Variants in PCARE observed in about 807,000 individuals in gnomAD.
The protein encoded by PCARE is photoreceptor cilium actin regulator, also known as uncharacterized protein C2orf71.
Under a neutral mutation model 82.2 loss-of-function variants are expected in PCARE, and 72 were observed. The observed-to-expected ratio is 0.88, with a 90% CI of 0.72 to 1.07. The LOEUF (loss-of-function observed/expected upper bound fraction) is 1.07, where lower values mean the gene tolerates loss of function less well. PCARE is among the 50% of genes least tolerant of loss of function. The pLI, the probability that PCARE is intolerant of heterozygous loss-of-function variation, is 0.00. For missense variants in PCARE, 1,768 were observed against 1,592.4 expected, an observed-to-expected ratio of 1.11 and a Z score of -1.88; for synonymous variants, 705 against 634.8, an observed-to-expected ratio of 1.11 and a Z score of -1.66.
Position 29,074,388 on chromosome 2 carries a change from A to T in PCARE, c.-127T>A, listed in dbSNP as rs571379781. ...TTCAGGCCAGAATTCTTTGAAGTCC[A>T]TGGTACAATATCCTAAACTTGGAAC... On this transcript the variant is annotated 5_prime_UTR_variant, in exon 1 of 2. An upstream start codon of the reference 5' UTR is lost. Coordinates refer to ENST00000331664, the MANE Select transcript of PCARE (RefSeq NM_001029883.3). 65 of 956,126 alleles carry T rather than the reference A, an allele frequency of 6.8e-5. No individual in the cohort carries two copies. The African/African-American group carries it at 9.5e-4, about 14-fold the overall frequency. The allele number at this position is 956,126 out of a possible 1,614,324, so 59.2% of individuals were successfully genotyped here.
Position 29,073,596 on chromosome 2 carries a change from C to G in PCARE, c.666G>C (p.Leu222Phe). The G allele has an allele frequency of 6.2e-7, 1 of 1,614,198 alleles. No individual in the cohort carries two copies. The highest frequency in any genetic ancestry group is 1.1e-5 in the South Asian group (1 of 91,090). Residue 222 changes from leucine (L) to phenylalanine (F), a missense_variant, in exon 1 of 2, where the codon TTG (leucine) becomes TTC (phenylalanine). By Grantham distance (22) the Leu-to-Phe change is conservative. Transcript: ENST00000331664. The stretch of plus-strand genomic sequence containing the variant: ...GGCTGATCTCCTCAAAGCACAGCAG[C>G]AAGAAGCTGACCATGGGCTGCAGCA... Reference protein sequence around the residue: ...RELLQPMVSFLLLCFEEISQL... With the variant: ...RELLQPMVSFFLLCFEEISQL...
intron 1 of PCARE, among the ~76,000 whole-genome samples, chr2:29,067,125 C>T (rs571021859): frequency 9.2e-5 from 14 of 152,288 alleles, no homozygotes; most frequent in African/African-American, 3.4e-4. Context: ...GCAGGCCTGC[C>T]TCAGCTGCAA....
chr2:29,070,908 G>A lies in PCARE; in HGVS notation c.3354C>T (p.Asn1118=). The change falls in exon 1 of 2, where the codon AAC becomes AAT. Residue 1118 remains asparagine (N), a synonymous_variant. Transcript: ENST00000331664. ...SQAVIAKVSG[N]THSIFCPATS... ...TAGCTGGGCAGAATATGGAATGTGT[G>A]TTCCCAGACACTTTGGCTATGACTG... 2 of 1,613,796 alleles carry A rather than the reference G, an allele frequency of 1.2e-6. No homozygotes were observed. Among genetic ancestry groups the A allele is most frequent in the Non-Finnish European group, 1.7e-6 (2 of 1,180,022 alleles).
chr2:29,071,646 G>A lies in PCARE; in HGVS notation c.2616C>T (p.Pro872=), dbSNP rs1415608272. ...TQEPGPGEAG[P]TRRTWASPKL... The stretch of plus-strand genomic sequence containing the variant: ...TTGGGGAAGCCCATGTTCTCCTGGT[G>A]GGGCCAGCCTCTCCCGGCCCTGGCT... The change falls in exon 1 of 2, where the codon CCC becomes CCT. Residue 872 remains proline, a synonymous_variant. Coordinates refer to ENST00000331664, the MANE Select transcript of PCARE (RefSeq NM_001029883.3). 6.2e-7 allele frequency: 1 copy of A among 1,613,850 alleles called. No homozygotes were observed. Among genetic ancestry groups the A allele is most frequent in the South Asian group, 1.1e-5 (1 of 91,060 alleles).
Position 29,064,942 on chromosome 2 carries a change from G to A in PCARE, c.3794C>T (p.Pro1265Leu), listed in dbSNP as rs753843724. 66 of 1,609,414 alleles carry A rather than the reference G, an allele frequency of 4.1e-5. No individual in the cohort carries two copies. In the South Asian group the frequency reaches 7.0e-4, roughly 17 times the overall value. ...EFCVLGHGLQ[P>L]EPRTGHIQDK... ...CTGGATGTGGCCGGTCCGAGGCTCCGGTTGCAGCCCGTGGCCCAGCACACA... is the reference window on the plus strand; with the variant it reads ...CTGGATGTGGCCGGTCCGAGGCTCCAGTTGCAGCCCGTGGCCCAGCACACA... Residue 1265 changes from proline (P) to leucine (L), a missense_variant, in exon 2 of 2, where the codon CCG becomes CTG. Pro to Leu is a moderately conservative substitution (Grantham distance 98, BLOSUM62 -3). Transcript: ENST00000331664.
chr2:29,070,120 T>TA, intron 1 of PCARE, among the ~76,000 whole-genome samples: 2 of 148,498 alleles, frequency 1.3e-5, no homozygotes, highest in Non-Finnish European at 3.0e-5. Flanking sequence ...ATATATATAT[T>TA]TTTAAGTTCT....
chr2:29,073,866 A>T lies in PCARE; in HGVS notation c.396T>A (p.Asp132Glu). 3 of 1,614,140 alleles carry T rather than the reference A, an allele frequency of 1.9e-6. No homozygotes were observed. Among genetic ancestry groups the T allele is most frequent in the Non-Finnish European group, 2.5e-6 (3 of 1,180,024 alleles). ...HGSQGADFSG[D>E]ESEESSTQDT... ...CTTGGGTACTACTTTCCTCACTCTC[A>T]TCTCCAGAAAAGTCTGCCCCTTGTG... The change falls in exon 1 of 2, where the codon GAT (aspartate) becomes GAA (glutamate). Residue 132 changes from aspartate to glutamate, a missense_variant. Coordinates refer to ENST00000331664, the MANE Select transcript of PCARE (RefSeq NM_001029883.3).
Position 29,074,188 on chromosome 2 carries a change from G to T in PCARE, c.74C>A (p.Pro25His), listed in dbSNP as rs1667548281. ...CTGACATCCTGGCCGAATTGCTTTG[G>T]GCTTTTTCAAGAACTGAATGCCACT... ...AKSGIQFLKK[P>H]KAIRPGCQGG... is the part of the protein sequence containing the mutation. Residue 25 changes from proline (P) to histidine (H), a missense_variant, in exon 1 of 2, where the codon CCC (proline) becomes CAC (histidine). Physicochemically the swap from Pro to His is moderately conservative, Grantham distance 77. Coordinates refer to ENST00000331664, the MANE Select transcript of PCARE (RefSeq NM_001029883.3). The T allele has an allele frequency of 1.2e-6, 2 of 1,605,634 alleles. No homozygotes were observed. The highest frequency in any genetic ancestry group is 2.2e-5 in the East Asian group (1 of 44,748).
In PCARE at chr2:29,072,149, C is replaced by T. The variant is rs2148415847; in HGVS notation, c.2113G>A (p.Ala705Thr). Residue 705 changes from alanine (A) to threonine (T), a missense_variant, in exon 1 of 2, where the codon GCC becomes ACC. Coordinates refer to ENST00000331664, the MANE Select transcript of PCARE (RefSeq NM_001029883.3). ...TCACTGACCTCTCCTGATGGGATGG[C>T]ATTTGGAAGCTTCCCAGCTTTGCCT... The part of the protein sequence containing the change: ...EQGKAGKLPN[A>T]IPSGEVSEAA... 2 of 1,614,236 alleles carry T rather than the reference C, an allele frequency of 1.2e-6. No homozygotes were observed. The highest frequency in any genetic ancestry group is 1.3e-5 in the African/African-American group (1 of 75,050).
chr2:29,074,022 A>G lies in PCARE; in HGVS notation c.240T>C (p.Asp80=). The G allele has an allele frequency of 6.2e-7, 1 of 1,614,126 alleles. No individual in the cohort carries two copies. Among genetic ancestry groups the G allele is most frequent in the Non-Finnish European group, 8.5e-7 (1 of 1,180,016 alleles). ...TATCTTTCCTTTTGCCTGAAGCAGG[A>G]TCTCCCATGAGCTGACAAAGACCTT... ...TAKGLCQLMG[D]PASGKRKDME... is the part of the protein sequence containing the mutation. The change falls in exon 1 of 2, where the codon GAT becomes GAC. Residue 80 remains aspartate (D), a synonymous_variant. Transcript: ENST00000331664.
chr2:29,071,642 T>C lies in PCARE; in HGVS notation c.2620A>G (p.Arg874Gly). ...AGCTTTGGGGAAGCCCATGTTCTCC[T>C]GGTGGGGCCAGCCTCTCCCGGCCCT... ...EPGPGEAGPT[R>G]RTWASPKLRA... The change falls in exon 1 of 2, where the codon AGG becomes GGG. Residue 874 changes from arginine to glycine, a missense_variant. By Grantham distance (125) the Arg-to-Gly change is moderately radical. Coordinates refer to ENST00000331664, the MANE Select transcript of PCARE (RefSeq NM_001029883.3). 6.2e-7 allele frequency: 1 copy of C among 1,613,788 alleles called. No individual in the cohort carries two copies. Among genetic ancestry groups the C allele is most frequent in the Non-Finnish European group, 8.5e-7 (1 of 1,179,836 alleles).
rs1050023014 is a variant in PCARE at position 29,064,264 on chromosome 2, G to A, written c.*605C>T. 2.5e-5 allele frequency: 4 copies of A among 157,434 alleles called. No homozygotes were observed. The highest frequency in any genetic ancestry group is 9.6e-5 in the African/African-American group (4 of 41,490). The allele number at this position is 157,434 out of a possible 1,614,324, so 9.8% of individuals were successfully genotyped here. A position where few individuals can be genotyped will look rare whatever the true frequency, so the allele number is the denominator to read the frequency against. ...CGCTACTTAACCTTACAACAAAGAA[G>A]CTTTGCGACCATTTGCGCACCCATG... On this transcript the variant is annotated 3_prime_UTR_variant, in exon 2 of 2. Coordinates refer to ENST00000331664, the MANE Select transcript of PCARE (RefSeq NM_001029883.3).
chr2:29,067,392 G>T (rs997788031), intron 1 of PCARE, among the ~76,000 whole-genome samples: 1 of 152,184 alleles, frequency 6.6e-6, no homozygotes, highest in African/African-American at 2.4e-5. Flanking sequence ...CAGGGGTGCT[G>T]GGGAATGAGC....
Position 29,071,005 on chromosome 2 carries a change from A to C in PCARE, c.3257T>G (p.Ile1086Ser). 1 of 1,341,558 alleles carries C rather than the reference A, an allele frequency of 7.5e-7. No individual in the cohort carries two copies. The highest frequency in any genetic ancestry group is 2.1e-5 in the Admixed American group (1 of 48,520). 83.1% of individuals were successfully genotyped at this position (1,341,558 alleles called of 1,614,324 possible). ...QHPEASPPFS[I>S]PSPSPPMSPS... is the part of the protein sequence containing the mutation. ...GGACATTGGGGGTGATGGGGAGGGA[A>C]TCGAGAAAGGGGGGCTTGCTTCTGG... is the stretch of plus-strand genomic sequence containing the variant. The change falls in exon 1 of 2, where the codon ATT becomes AGT. Residue 1086 changes from isoleucine (I) to serine (S), a missense_variant. Ile to Ser is a moderately radical substitution (Grantham distance 142). Transcript: ENST00000331664.
chr2:29,070,520 A>G (rs943901297), intron 1 of PCARE, 74 bp downstream of exon 1: 10 of 1,590,188 alleles, frequency 6.3e-6, no homozygotes, highest in South Asian at 1.1e-5. Context: ...GACCCAGAAG[A>G]TCTTTTGGCC....
rs1337496917 is a variant in PCARE at position 29,070,829 on chromosome 2, G to A, written c.3433C>T (p.Pro1145Ser). 1 of 1,614,126 alleles carries A rather than the reference G, an allele frequency of 6.2e-7. No homozygotes were observed. Among genetic ancestry groups the A allele is most frequent in the South Asian group, 1.1e-5 (1 of 91,086 alleles). The change falls in exon 1 of 2, where the codon CCA becomes TCA. Residue 1145 changes from proline (P) to serine (S), a missense_variant. By Grantham distance (74) the Pro-to-Ser change is moderately conservative (BLOSUM62 -1). Coordinates refer to ENST00000331664, the MANE Select transcript of PCARE (RefSeq NM_001029883.3). ...PPLSTAHPLT[P>S]PSLPPEAGGP... is the part of the protein sequence containing the mutation. ...CCAGCCTCTGGCGGCAGCGATGGTG[G>A]GGTCAGTGGGTGGGCTGTTGAGAGT...
At chr2:29,070,569 G>T in intron 1 of PCARE, 25 bp downstream of exon 1, 1 of 1,613,780 alleles carries the variant, frequency 6.2e-7, no homozygotes, top group Non-Finnish European at 8.5e-7. Context: ...CCGCTGAAGG[G>T]CAGTGACCCC....
Position 29,064,487 on chromosome 2 carries a change from T to C in PCARE, c.*382A>G. Reference sequence around the variant, plus strand: ...TCATATGCGCAAAACTGAAGAATGCTATGTGCTTCATTCACTGTTGTGAGG... The same window carrying C: ...TCATATGCGCAAAACTGAAGAATGCCATGTGCTTCATTCACTGTTGTGAGG... On this transcript the variant is annotated 3_prime_UTR_variant, in exon 2 of 2. Coordinates refer to ENST00000331664, the MANE Select transcript of PCARE (RefSeq NM_001029883.3). 1 of 353,976 alleles carries C rather than the reference T, an allele frequency of 2.8e-6. No homozygotes were observed. Among genetic ancestry groups the C allele is most frequent in the Non-Finnish European group, 5.3e-6 (1 of 188,030 alleles). 21.9% of individuals were successfully genotyped at this position (353,976 alleles called of 1,614,324 possible). A position where few individuals can be genotyped will look rare whatever the true frequency, so the allele number is the denominator to read the frequency against.
In PCARE at chr2:29,070,460, C is replaced by G. The variant is rs554958338; in HGVS notation, c.3668+134G>C. 5.0e-6 allele frequency: 6 copies of G among 1,205,738 alleles called. 1 individual carries two copies. In the African/African-American group the frequency reaches 6.0e-5, roughly 12 times the overall value. 74.7% of individuals were successfully genotyped at this position (1,205,738 alleles called of 1,614,324 possible). ...GGGGGAGCTGGAACTGCCCCCTACA[C>G]CTTTTTCCCAACTGCCTCTTCTCTT... On this transcript the variant is annotated intron_variant, in intron 1 of 1. Coordinates refer to ENST00000331664, the MANE Select transcript of PCARE (RefSeq NM_001029883.3).
Sources: allele counts gnomAD v4.1 joint callset (sites outside exome capture counted in the v4.1 genomes callset), GRCh38; gene constraint gnomAD v4.1.1; transcripts MANE v1.5; gene names NCBI Gene and HGNC (gene_info 2026-07-23, HGNC 2026-07-21).